JAZF1: variants seen among roughly 807,000 people sequenced by gnomAD.
JAZF1 encodes juxtaposed with another zinc finger protein 1.
Under a neutral mutation model 26.4 loss-of-function variants are expected in JAZF1, and 8 were observed. The observed-to-expected ratio is 0.30, with a 90% CI of 0.18 to 0.55. The LOEUF is 0.55. Ranked by LOEUF, JAZF1 falls within the 20% of genes least tolerant of loss-of-function variation. JAZF1 has a pLI of 0.94. For synonymous variants in JAZF1, 126 were observed against 122.3 expected (o/e 1.03, Z -0.20); for missense variants, 199 against 322.0 (o/e 0.62, Z 2.92).
At chr7:28,125,446 T>C (rs1782679501) in intron 1 of JAZF1, among the ~76,000 whole-genome samples, 1 of 152,220 alleles carries the variant, frequency 6.6e-6, no homozygotes, top group Non-Finnish European at 1.5e-5. Flanking sequence ...CGGTTTTTAA[T>C]GAAATGTGGA....
rs561630689 is a variant in JAZF1 at position 27,832,578 on chromosome 7, A to G, written c.*222T>C. On this transcript the variant is annotated 3_prime_UTR_variant, in exon 5 of 5. Coordinates refer to ENST00000283928, the MANE Select transcript of JAZF1 (RefSeq NM_175061.4). ...TAGAGCTTTTTTTGTTTAGCACCTT[A>G]TATCAAAGTAATGAAAATGGGTATG... The G allele has an allele frequency of 2.8e-6, 1 of 360,730 alleles. No individual in the cohort carries two copies. The highest frequency in any genetic ancestry group is 8.6e-5 in the South Asian group (1 of 11,680). 22.3% of individuals were successfully genotyped at this position (360,730 alleles called of 1,614,324 possible). A position where few individuals can be genotyped will look rare whatever the true frequency, so the allele number is the denominator to read the frequency against.
At chr7:28,055,029 A>G (rs1301003917) in intron 1 of JAZF1, among the ~76,000 whole-genome samples, 1 of 152,180 alleles carries the variant, frequency 6.6e-6, no homozygotes, top group Non-Finnish European at 1.5e-5. Context: ...TGCAATGGGT[A>G]AAAATCAGTC....
chr7:28,179,588 C>A lies in JAZF1; in HGVS notation c.115+875G>T, dbSNP rs574873515. ...GGGGGTGTCTCTCCAGCGGGCGCCG[C>A]CGCAGGGGCCTCCAGGGCGCGTCGA... On this transcript the variant is annotated intron_variant, in intron 1 of 4. Coordinates refer to ENST00000283928, the MANE Select transcript of JAZF1 (RefSeq NM_175061.4). Among the ~76,000 whole-genome samples the A allele has an allele frequency of 2.1e-3, 325 of 151,438 alleles. 2 individuals are homozygous for A. The highest frequency in any genetic ancestry group is 3.4e-3 in the Middle Eastern group (1 of 292).
intron 1 of JAZF1, among the ~76,000 whole-genome samples, chr7:28,098,233 A>T (rs559971573): frequency 2.6e-4 from 39 of 152,134 alleles, no homozygotes; most frequent in Non-Finnish European, 4.4e-4. Flanking sequence ...ACATATGTGG[A>T]CGTAGCGAGA....
chr7:27,870,162 T>C (rs1448904756), intron 3 of JAZF1, among the ~76,000 whole-genome samples: 2 of 149,840 alleles, frequency 1.3e-5, no homozygotes, highest in East Asian at 4.0e-4. Flanking sequence ...CCTGACCTCA[T>C]GATCCACCCA....
chr7:27,947,178 A>G (rs1166018679), intron 2 of JAZF1, among the ~76,000 whole-genome samples: 1 of 152,192 alleles, frequency 6.6e-6, no homozygotes, highest in Non-Finnish European at 1.5e-5. Context: ...AAAGCAGATG[A>G]TATTATACAT....
chr7:27,856,264 G>T (rs775771937), intron 3 of JAZF1, among the ~76,000 whole-genome samples: 1 of 152,180 alleles, frequency 6.6e-6, no homozygotes, highest in Non-Finnish European at 1.5e-5. Flanking sequence ...CAGCTCTTAA[G>T]GCGGCACATC....
intron 2 of JAZF1, among the ~76,000 whole-genome samples, chr7:27,962,623 G>C (rs1283927475): frequency 1.3e-5 from 2 of 152,178 alleles, no homozygotes; most frequent in African/African-American, 4.8e-5. Flanking sequence ...CAAATCCATA[G>C]AGGAAAGGCA....
intron 1 of JAZF1, among the ~76,000 whole-genome samples, chr7:28,028,970 T>C (rs894881552): frequency 1.3e-5 from 2 of 152,078 alleles, no homozygotes; most frequent in South Asian, 4.1e-4. Flanking sequence ...GTTTCTCAAA[T>C]TTATTCCTTC....
chr7:27,851,288 C>G (rs934252358), intron 3 of JAZF1, among the ~76,000 whole-genome samples: 9 of 152,202 alleles, frequency 5.9e-5, no homozygotes, highest in African/African-American at 2.2e-4. Flanking sequence ...TACAAACACA[C>G]TCAAATTTGA....
At chr7:28,120,499 TTC>T (rs1782582059) in intron 1 of JAZF1, among the ~76,000 whole-genome samples, 1 of 101,136 alleles carries the variant, frequency 9.9e-6, no homozygotes, top group African/African-American at 4.0e-5. Context: ...CCACACACAG[TTC>T]TTTTTTTTTT....
At chr7:28,027,053 G>T (rs558149325) in intron 1 of JAZF1, among the ~76,000 whole-genome samples, 1 of 152,178 alleles carries the variant, frequency 6.6e-6, no homozygotes, top group African/African-American at 2.4e-5. Context: ...CAAGCTCTGC[G>T]CTCACCACAG....
intron 1 of JAZF1, among the ~76,000 whole-genome samples, chr7:28,142,380 ACACT>A (rs1448825913): frequency 4.6e-5 from 7 of 152,218 alleles, no homozygotes; most frequent in Admixed American, 3.3e-4. Flanking sequence ...AGCCTCAGTG[ACACT>A]CAGTCTTTCA....
At chr7:27,941,603 T>C (rs1784849188) in intron 2 of JAZF1, among the ~76,000 whole-genome samples, 1 of 152,230 alleles carries the variant, frequency 6.6e-6, no homozygotes, top group East Asian at 1.9e-4. Flanking sequence ...CAGGCCTACC[T>C]TGGATGCTGA....
chr7:28,160,554 A>G (rs1203184766), intron 1 of JAZF1, among the ~76,000 whole-genome samples: 1 of 152,130 alleles, frequency 6.6e-6, no homozygotes, highest in Non-Finnish European at 1.5e-5. Flanking sequence ...TGCAAACTCT[A>G]AGATTCTCAG....
intron 3 of JAZF1, among the ~76,000 whole-genome samples, chr7:27,864,819 A>G (rs1783447386): frequency 6.6e-6 from 1 of 152,204 alleles, no homozygotes. Context: ...AAGTCCCACT[A>G]CTTCCCTCTT....
At chr7:27,903,375 T>C (rs1054376550) in intron 2 of JAZF1, among the ~76,000 whole-genome samples, 10 of 152,146 alleles carry the variant, frequency 6.6e-5, no homozygotes, top group Non-Finnish European at 1.3e-4. Flanking sequence ...TTGTACTTTT[T>C]GTAAAGATGG....
chr7:27,936,205 G>A (rs1348301984), intron 2 of JAZF1, among the ~76,000 whole-genome samples: 3 of 152,174 alleles, frequency 2.0e-5, no homozygotes, highest in Non-Finnish European at 4.4e-5. Context: ...AAAGAGAGAT[G>A]ACACAAAGAA....
chr7:27,965,642 G>A (rs1414045840), intron 2 of JAZF1, among the ~76,000 whole-genome samples: 1 of 152,094 alleles, frequency 6.6e-6, no homozygotes, highest in Non-Finnish European at 1.5e-5. Flanking sequence ...ATCTTTACTT[G>A]TGACAATAAA....
Sources: gnomAD v4.1 joint callset for allele counts (sites outside exome capture counted in the v4.1 genomes callset) on GRCh38, gnomAD v4.1.1 for gene constraint, MANE v1.5 for transcripts, NCBI Gene and HGNC (gene_info 2026-07-23, HGNC 2026-07-21) for gene names.